GLB1: variants seen among roughly 807,000 people sequenced by gnomAD.
GLB1 encodes beta-galactosidase.
GLB1 carries 56 observed loss-of-function variants against 74.0 expected under a neutral mutation model. The observed-to-expected ratio is 0.76, with a 90% CI of 0.61 to 0.94. The LOEUF is 0.94. Ranked by LOEUF, GLB1 falls within the 40% of genes least tolerant of loss-of-function variation. The probability of loss-of-function intolerance (pLI) is 0.00; values close to 1 mark genes in which losing one functional copy is unlikely to be tolerated. For missense variants in GLB1, 787 were observed against 845.5 expected (o/e 0.93, Z 0.86); for synonymous variants, 323 against 323.6 (o/e 1.00, Z 0.02).
At chr3:33,084,311 A>C (rs747976798) in intron 1 of GLB1, among the ~76,000 whole-genome samples, 18 of 152,180 alleles carry the variant, frequency 1.2e-4, no homozygotes, top group Non-Finnish European at 2.5e-4. Context: ...AACAAAGAGA[A>C]ACAGAAGAAC....
chr3:33,077,203 C>T lies in GLB1; in HGVS notation c.76-4490G>A, dbSNP rs751035378. Reference sequence around the variant, plus strand: ...CGGCAGCTGAGACTTAGGCGCTTGCCGTGGCAGATGAAAAGCCCAAGGAAG... The same window carrying T: ...CGGCAGCTGAGACTTAGGCGCTTGCTGTGGCAGATGAAAAGCCCAAGGAAG... On this transcript the variant is annotated intron_variant, in intron 1 of 15. Coordinates refer to ENST00000307363, the MANE Select transcript of GLB1 (RefSeq NM_000404.4). 20 of 1,511,428 alleles carry T rather than the reference C, an allele frequency of 1.3e-5. No individual in the cohort carries two copies. In the Admixed American group the frequency reaches 2.3e-4, roughly 17 times the overall value. 93.6% of individuals were successfully genotyped at this position (1,511,428 alleles called of 1,614,324 possible).
At chr3:32,983,855 T>A in the GLB1 span, among the ~76,000 whole-genome samples, 15,647 of 126,438 alleles carry the variant, frequency 0.12, 967 homozygotes, top group African/African-American at 0.19. Flanking sequence ...AATTTTTAAA[T>A]TTTTTTTTTT....
intron 1 of GLB1, among the ~76,000 whole-genome samples, chr3:33,076,222 G>A (rs142304862): frequency 2.0e-5 from 3 of 152,320 alleles, no homozygotes; most frequent in African/African-American, 7.2e-5. Flanking sequence ...TTAGCCATGG[G>A]GGAAGGTGAC....
chr3:33,048,668 AAG>A (rs1452861626), intron 9 of GLB1, among the ~76,000 whole-genome samples: 2 of 152,216 alleles, frequency 1.3e-5, no homozygotes, highest in Admixed American at 6.5e-5. Context: ...CACTTCCTCA[AAG>A]AGACAGGGCA....
the GLB1 span, among the ~76,000 whole-genome samples, chr3:32,976,429 A>G: frequency 6.6e-6 from 1 of 152,064 alleles, no homozygotes; most frequent in Non-Finnish European, 1.5e-5. Context: ...CACAACCCAC[A>G]CTGTGTTGCG....
the GLB1 span, among the ~76,000 whole-genome samples, chr3:32,984,298 G>A: frequency 6.6e-6 from 1 of 151,974 alleles, no homozygotes; most frequent in Non-Finnish European, 1.5e-5. Context: ...GGGAATTCAA[G>A]GGCGTTGCTC....
chr3:33,005,713 C>G (rs138106696), intron 15 of GLB1, among the ~76,000 whole-genome samples: 11 of 152,218 alleles, frequency 7.2e-5, no homozygotes, highest in African/African-American at 2.4e-4. Flanking sequence ...CTAGGCTGGT[C>G]TCAAACCCCT....
chr3:33,024,520 G>A (rs1240775050), intron 10 of GLB1, 195 bp from the exon 11 acceptor site: 20 of 581,844 alleles, frequency 3.4e-5, no homozygotes, highest in Non-Finnish European at 5.1e-5. Context: ...GTATGTCTGT[G>A]TTTTAAGCTT....
At chr3:32,990,611 A>G in the GLB1 span, among the ~76,000 whole-genome samples, 1 of 152,206 alleles carries the variant, frequency 6.6e-6, no homozygotes, top group Non-Finnish European at 1.5e-5. Context: ...TTCTTGGGAC[A>G]CTTCCTGATT....
At chr3:33,021,289 G>A in intron 12 of GLB1, 1 of 487,504 alleles carries the variant, frequency 2.1e-6, no homozygotes, top group Non-Finnish European at 3.8e-6. Context: ...ATTGGTCAGT[G>A]AACTCAATTT....
the GLB1 span, among the ~76,000 whole-genome samples, chr3:32,969,497 A>G: frequency 6.6e-6 from 1 of 152,202 alleles, no homozygotes; most frequent in Non-Finnish European, 1.5e-5. Context: ...TAAAGGCTAA[A>G]GAAAATAGAA....
chr3:33,047,011 G>A (rs778629812), intron 9 of GLB1, among the ~76,000 whole-genome samples: 1 of 152,130 alleles, frequency 6.6e-6, no homozygotes, highest in South Asian at 2.1e-4. Context: ...AATGTGCCTC[G>A]AACAGCCAAC....
chr3:33,012,286 A>C (rs192048255), intron 15 of GLB1, among the ~76,000 whole-genome samples: 1 of 152,266 alleles, frequency 6.6e-6, no homozygotes. Flanking sequence ...GGCCTCTGCT[A>C]TGGTCTGAAT....
At chr3:33,089,646 C>T (rs528049027) in intron 1 of GLB1, among the ~76,000 whole-genome samples, 13 of 152,226 alleles carry the variant, frequency 8.5e-5, no homozygotes, top group East Asian at 1.9e-4. Flanking sequence ...GAAATAAGCC[C>T]GCCACAAAAA....
At chr3:32,996,512 T>G (rs1215094451), downstream of GLB1, 2 of 193,170 alleles carry the variant, frequency 1.0e-5, no homozygotes, top group East Asian at 1.2e-4. Flanking sequence ...TTAGATTGTT[T>G]GCATAATTGT....
intron 5 of GLB1, among the ~76,000 whole-genome samples, chr3:33,063,224 G>C (rs1699523626): frequency 6.6e-6 from 1 of 151,712 alleles, no homozygotes; most frequent in African/African-American, 2.4e-5. Context: ...AGGTCACACA[G>C]AATGAACTTA....
chr3:33,035,406 T>C (rs998592715), intron 10 of GLB1, among the ~76,000 whole-genome samples: 1 of 152,044 alleles, frequency 6.6e-6, no homozygotes, highest in Admixed American at 6.6e-5. Context: ...CACTCCACCC[T>C]GGGCAACAGA....
rs1191672809 is a variant in GLB1, at chr3:33,051,692, C to A, written c.955+66G>T. The A allele has an allele frequency of 7.5e-6, 12 of 1,610,190 alleles. 1 individual carries two copies. The highest frequency in any genetic ancestry group is 6.6e-5 in the South Asian group (6 of 90,962). ...AAAATAAAATTGTCTGTGGGCACACCCCTCCTCAAATTAATCAACAGAAAC... is the reference window on the plus strand; with the variant it reads ...AAAATAAAATTGTCTGTGGGCACACACCTCCTCAAATTAATCAACAGAAAC... On this transcript the variant is annotated intron_variant, in intron 9 of 15. Coordinates refer to ENST00000307363, the MANE Select transcript of GLB1 (RefSeq NM_000404.4).
intron 5 of GLB1, among the ~76,000 whole-genome samples, chr3:33,064,363 C>T (rs1158257993): frequency 6.7e-6 from 1 of 148,174 alleles, no homozygotes; most frequent in Non-Finnish European, 1.5e-5. Flanking sequence ...TCGCCTGAAC[C>T]TGGGAGGCAG....
Sources: gnomAD v4.1 joint callset for allele counts (sites outside exome capture counted in the v4.1 genomes callset) on GRCh38, gnomAD v4.1.1 for gene constraint, MANE v1.5 for transcripts, NCBI Gene and HGNC (gene_info 2026-07-23, HGNC 2026-07-21) for gene names.